Variants in ELAVL4 observed in about 807,000 individuals in gnomAD.
ELAVL4 encodes the protein ELAV like RNA binding protein 4, also known as ELAV-like protein 4.
Under a neutral mutation model 35.6 loss-of-function variants are expected in ELAVL4, and 1 was observed. The ratio of observed to expected loss-of-function variants is 0.03; its 90% CI spans 0.01 to 0.13. The LOEUF (loss-of-function observed/expected upper bound fraction) is 0.13. Ranked by LOEUF, ELAVL4 falls within the 10% of genes least tolerant of loss-of-function variation. The pLI is 1.00. For missense variants in ELAVL4, 267 were observed against 464.9 expected (o/e 0.57, Z 3.91); for synonymous variants, 156 against 171.0 (o/e 0.91, Z 0.69).
chr1:50,055,363 G>C (rs559096023), intron 1 of ELAVL4, among the ~76,000 whole-genome samples: 5 of 151,996 alleles, frequency 3.3e-5, no homozygotes, highest in African/African-American at 9.6e-5. Context: ...GCAGTGCCGC[G>C]ATCTTGGCTC....
upstream of ELAVL4, chr1:50,106,086 T>C (rs1666280175): frequency 2.3e-6 from 1 of 430,978 alleles, no homozygotes; most frequent in African/African-American, 2.0e-5. Context: ...CCATTTCTGT[T>C]CCTTCCTTTT....
intron 1 of ELAVL4, among the ~76,000 whole-genome samples, chr1:50,124,010 C>T (rs1572275399): frequency 1.3e-5 from 2 of 152,214 alleles, no homozygotes; most frequent in African/African-American, 4.8e-5. Context: ...CAAGTAGGTG[C>T]TCAGTAATTG....
Position 50,109,016 on chromosome 1 carries a change from C to CGGGGGGCGGG in ELAVL4, c.-174_-173insGGGGGGCGGG. 3.3e-6 allele frequency: 3 copies of CGGGGGGCGGG among 905,770 alleles called. No homozygotes were observed. Among genetic ancestry groups the CGGGGGGCGGG allele is most frequent in the South Asian group, 5.1e-5 (1 of 19,488 alleles). The allele number at this position is 905,770 out of a possible 1,614,324, so 56.1% of individuals were successfully genotyped here. A position where few individuals can be genotyped will look rare whatever the true frequency, so the allele number is the denominator to read the frequency against. ...CTCCTTTTCTTTTTTTTCTTTCTCT[C>CGGGGGGCGGG]CCCCGCCCACCCCCCCAAAAATAAT... On this transcript the variant is annotated 5_prime_UTR_variant, in exon 1 of 7. Transcript: ENST00000371824.
chr1:50,172,161 C>T (rs1196687355), intron 2 of ELAVL4, among the ~76,000 whole-genome samples: 1 of 152,110 alleles, frequency 6.6e-6, no homozygotes, highest in Non-Finnish European at 1.5e-5. Flanking sequence ...AGCTTCTCTA[C>T]TGCAGCCATC....
intron 2 of ELAVL4, among the ~76,000 whole-genome samples, chr1:50,176,711 G>A (rs1193834012): frequency 1.3e-5 from 2 of 152,198 alleles, no homozygotes; most frequent in Non-Finnish European, 2.9e-5. Flanking sequence ...CAGCTGATAG[G>A]GAAAGCTCTA....
At chr1:50,057,533 T>C (rs1244793278) in intron 1 of ELAVL4, among the ~76,000 whole-genome samples, 2 of 152,230 alleles carry the variant, frequency 1.3e-5, no homozygotes, top group African/African-American at 4.8e-5. Flanking sequence ...GGCAACTGCC[T>C]ATAAACATGT....
At chr1:50,063,888 T>C (rs375558663) in intron 1 of ELAVL4, among the ~76,000 whole-genome samples, 2 of 152,290 alleles carry the variant, frequency 1.3e-5, no homozygotes, top group African/African-American at 4.8e-5. Context: ...TCTTTCCTCA[T>C]GTATGGTCTT....
At chr1:50,098,978 A>T (rs144032167), upstream of ELAVL4, among the ~76,000 whole-genome samples, 32 of 152,322 alleles carry the variant, frequency 2.1e-4, 1 homozygote, top group East Asian at 6.0e-3. Flanking sequence ...TGGGCTGTTG[A>T]TCTAAGGCTT....
intron 1 of ELAVL4, among the ~76,000 whole-genome samples, chr1:50,095,720 C>T (rs2148509309): frequency 6.6e-6 from 1 of 152,268 alleles, no homozygotes; most frequent in Non-Finnish European, 1.5e-5. Flanking sequence ...ATAGCTTTCA[C>T]ACCATCCAGA....
In ELAVL4 at chr1:50,108,972, C is replaced by T. The variant is rs1666607374; in HGVS notation, c.-218C>T. ...GTTGTTCTTATCTACATCCTAGAAT[C>T]GGGGGTTTCAGCTCACTGCTCCTTT... On this transcript the variant is annotated 5_prime_UTR_variant, in exon 1 of 7. Coordinates refer to ENST00000371824, the MANE Select transcript of ELAVL4 (RefSeq NM_001144774.3). 6 of 1,253,686 alleles carry T rather than the reference C, an allele frequency of 4.8e-6. No individual in the cohort carries two copies. Among genetic ancestry groups the T allele is most frequent in the Non-Finnish European group, 6.0e-6 (6 of 999,566 alleles). The allele number at this position is 1,253,686 out of a possible 1,614,324, so 77.7% of individuals were successfully genotyped here. A position where few individuals can be genotyped will look rare whatever the true frequency, so the allele number is the denominator to read the frequency against.
intron 1 of ELAVL4, among the ~76,000 whole-genome samples, chr1:50,131,356 G>A (rs1046351785): frequency 2.0e-5 from 3 of 152,062 alleles, no homozygotes; most frequent in African/African-American, 4.8e-5. Flanking sequence ...ATTAGTGAGT[G>A]TGACCTTTCA....
chr1:50,109,022 C>T lies in ELAVL4; in HGVS notation c.-168C>T. On this transcript the variant is annotated 5_prime_UTR_variant, in exon 1 of 7. Transcript: ENST00000371824. The stretch of plus-strand genomic sequence containing the variant: ...TTCTTTTTTTTCTTTCTCTCCCCCG[C>T]CCACCCCCCCAAAAATAATTGATTT... 2.0e-6 allele frequency: 1 copy of T among 494,570 alleles called. No individual in the cohort carries two copies. The highest frequency in any genetic ancestry group is 2.6e-6 in the Non-Finnish European group (1 of 390,182). The allele number at this position is 494,570 out of a possible 1,614,324, so 30.6% of individuals were successfully genotyped here. A position where few individuals can be genotyped will look rare whatever the true frequency, so the allele number is the denominator to read the frequency against.
chr1:50,087,750 G>A (rs1223509733), intron 1 of ELAVL4, among the ~76,000 whole-genome samples: 1 of 152,192 alleles, frequency 6.6e-6, no homozygotes, highest in Admixed American at 6.5e-5. Flanking sequence ...GAGGAAGAGA[G>A]AGATCTTTCT....
chr1:50,118,915 C>A (rs919461261), intron 1 of ELAVL4, among the ~76,000 whole-genome samples: 2 of 122,090 alleles, frequency 1.6e-5, no homozygotes, highest in South Asian at 5.9e-4. Context: ...TCCCAAATGC[C>A]ATTTTGCAGG....
chr1:50,184,004 C>A (rs1229406089), intron 3 of ELAVL4, among the ~76,000 whole-genome samples: 1 of 152,144 alleles, frequency 6.6e-6, no homozygotes, highest in African/African-American at 2.4e-5. Flanking sequence ...ATCACTGAAT[C>A]CCCAGGGAGC....
chr1:50,139,166 G>C (rs1451445277), intron 1 of ELAVL4, among the ~76,000 whole-genome samples: 1 of 152,160 alleles, frequency 6.6e-6, no homozygotes, highest in Non-Finnish European at 1.5e-5. Context: ...GTACTTCACA[G>C]GGTTGTTTGA....
At chr1:50,090,020 A>C (rs1434089980) in intron 1 of ELAVL4, among the ~76,000 whole-genome samples, 2 of 152,146 alleles carry the variant, frequency 1.3e-5, no homozygotes, top group Non-Finnish European at 2.9e-5. Context: ...AAGTATAGGA[A>C]TTCTCAGGTT....
intron 3 of ELAVL4, among the ~76,000 whole-genome samples, chr1:50,188,183 G>T (rs1045381880): frequency 6.6e-6 from 1 of 152,176 alleles, no homozygotes; most frequent in Admixed American, 6.5e-5. Context: ...TACATTGAAT[G>T]GTCGGCTGTC....
At chr1:50,099,575 AAAAAAGAAAG>A (rs1338855519), upstream of ELAVL4, among the ~76,000 whole-genome samples, 2 of 151,910 alleles carry the variant, frequency 1.3e-5, no homozygotes, top group South Asian at 2.1e-4. Flanking sequence ...AAAAAAAAAA[AAAAAAGAAAG>A]AAAAAGAAAG....
Sources: allele counts gnomAD v4.1 joint callset (sites outside exome capture counted in the v4.1 genomes callset), GRCh38; gene constraint gnomAD v4.1.1; transcripts MANE v1.5; gene names NCBI Gene and HGNC (gene_info 2026-07-23, HGNC 2026-07-21).